CCDC78: variants seen among roughly 807,000 people sequenced by gnomAD.
The protein encoded by CCDC78 is coiled-coil domain containing 78, also known as coiled-coil domain-containing protein 78.
CCDC78 carries 78 observed loss-of-function variants against 61.9 expected under a neutral mutation model. The ratio of observed to expected loss-of-function variants is 1.26; its 90% CI spans 1.05 to 1.52. The LOEUF (loss-of-function observed/expected upper bound fraction) is 1.52, where lower values mean the gene tolerates loss of function less well. Among genes scored for constraint, CCDC78 ranks in the 40% most tolerant of loss-of-function variants. CCDC78 has a pLI of 0.00. For synonymous variants in CCDC78, 287 were observed against 251.9 expected, an observed-to-expected ratio of 1.14 and a Z score of -1.32; for missense variants, 737 against 615.5, an observed-to-expected ratio of 1.20 and a Z score of -2.09.
intron 10 of CCDC78, 52 bp downstream of exon 10, chr16:724,050 CAGTG>C: frequency 9.8e-6 from 8 of 812,888 alleles, no homozygotes; most frequent in Non-Finnish European, 1.2e-5. Context: ...CAGTGTGGGG[CAGTG>C]GGTGGGTGGG....
chr16:724,670 G>T lies in CCDC78; in HGVS notation c.765+11C>A, dbSNP rs776636446. 1 of 1,608,132 alleles carries T rather than the reference G, an allele frequency of 6.2e-7. No individual in the cohort carries two copies. The highest frequency in any genetic ancestry group is 1.1e-5 in the South Asian group (1 of 90,712). ...GCTCCCTAGGCCTCAGGGTGCTCCT[G>T]CAGGGCTCACCACTGCCTGCCAGGC... On this transcript the variant is annotated intron_variant, in intron 8 of 13. Coordinates refer to ENST00000345165, the MANE Select transcript of CCDC78 (RefSeq NM_001378030.1).
In CCDC78 at chr16:722,935, G is replaced by C. The variant is rs749463945; in HGVS notation, c.1288C>G (p.Gln430Glu). The change falls in exon 13 of 14, where the codon CAG becomes GAG. Residue 430 changes from glutamine (Q) to glutamate (E), a missense_variant. Physicochemically the swap from Gln to Glu is conservative, Grantham distance 29. Coordinates refer to ENST00000345165, the MANE Select transcript of CCDC78 (RefSeq NM_001378030.1). ...QLSELQEYVD[Q>E]HLGRYKHEIL... ...CCCTCTGCCCACCTGCCCAGGTGCT[G>C]GTCCACGTACTCCTGTAGCTCAGAA... 1 of 1,612,266 alleles carries C rather than the reference G, an allele frequency of 6.2e-7. No homozygotes were observed. Among genetic ancestry groups the C allele is most frequent in the Non-Finnish European group, 8.5e-7 (1 of 1,179,984 alleles).
At position 724,743 on chromosome 16, in the gene CCDC78, G is replaced by A; in HGVS notation, c.703C>T (p.Gln235Ter). The A allele has an allele frequency of 6.2e-7, 1 of 1,612,156 alleles. No homozygotes were observed. Among genetic ancestry groups the A allele is most frequent in the Non-Finnish European group, 8.5e-7 (1 of 1,179,754 alleles). Residue 235 changes from glutamine to a stop codon, truncating the protein, a stop_gained, in exon 8 of 14, where the codon CAG (glutamine) becomes TAG (stop). Coordinates refer to ENST00000345165, the MANE Select transcript of CCDC78 (RefSeq NM_001378030.1). LOFTEE classifies it high-confidence loss of function. ...AEAENARLQL[Q>*]LKKLKDEYVL... Reference sequence around the variant, plus strand: ...TACTCATCCTTCAGTTTCTTGAGCTGCAGCTGCAGCCGGGCATTTTCAGCC... The same window carrying A: ...TACTCATCCTTCAGTTTCTTGAGCTACAGCTGCAGCCGGGCATTTTCAGCC...
At chr16:726,580 T>G, upstream of CCDC78, 2 of 607,528 alleles carry the variant, frequency 3.3e-6, no homozygotes, top group Non-Finnish European at 5.7e-6. Context: ...CGTTTCCCCA[T>G]CTGGGGAATG....
At chr16:722,820 G>T (rs2040333415) in intron 13 of CCDC78, 31 bp from the exon 14 acceptor site, 2 of 1,611,022 alleles carry the variant, frequency 1.2e-6, no homozygotes, top group Non-Finnish European at 8.5e-7. Flanking sequence ...TAAGTGACTT[G>T]CCCAGCTGTG....
At chr16:725,694 C>G in intron 3 of CCDC78, 100 bp downstream of exon 3, 1 of 1,569,800 alleles carries the variant, frequency 6.4e-7, no homozygotes, top group Non-Finnish European at 8.6e-7. Context: ...GGCTGAGACC[C>G]ACAGATGCCA....
chr16:725,390 G>A, intron 4 of CCDC78, 23 bp downstream of exon 4: 2 of 1,611,940 alleles, frequency 1.2e-6, no homozygotes, highest in South Asian at 1.1e-5. Context: ...TCCCAGCCAG[G>A]CTCTCCATAT....
chr16:724,362 C>A lies in CCDC78; in HGVS notation c.913G>T (p.Asp305Tyr), dbSNP rs1353119618. The A allele has an allele frequency of 1.9e-6, 3 of 1,612,378 alleles. No individual in the cohort carries two copies. The highest frequency in any genetic ancestry group is 1.3e-5 in the African/African-American group (1 of 75,058). The change falls in exon 9 of 14, where the codon GAT becomes TAT. Residue 305 changes from aspartate (D) to tyrosine (Y), a missense_variant. Asp to Tyr is a radical substitution (Grantham distance 160). Transcript: ENST00000345165. ...AARSYHKRLV[D>Y]LSRRHEELLV... Reference sequence around the variant, plus strand: ...AGCTCTTCATGCCTGCGGCTCAGATCCACCAGCCTCTTGTGGTAGCTGCGG... The same window carrying A: ...AGCTCTTCATGCCTGCGGCTCAGATACACCAGCCTCTTGTGGTAGCTGCGG...
intron 8 of CCDC78, 54 bp downstream of exon 8, chr16:724,627 C>T: frequency 1.3e-6 from 2 of 1,588,334 alleles, no homozygotes; most frequent in Non-Finnish European, 1.7e-6. Flanking sequence ...CTATCCAGCA[C>T]ACCCAGGCCA....
chr16:726,221 G>A (rs976439089), intron 1 of CCDC78, 87 bp downstream of exon 1: 15 of 1,550,212 alleles, frequency 9.7e-6, no homozygotes, highest in Non-Finnish European at 1.3e-5. Flanking sequence ...TTAGGCCCAG[G>A]GTGCAGGAAC....
At position 724,126 on chromosome 16, in the gene CCDC78, A is replaced by C; in HGVS notation, c.1033T>G (p.Phe345Val). ...EPLPVPLVTD[F>V]SHREDQHGGP... ...CTCACCTGGTCCTCCCGATGGCTGA[A>C]GTCAGTGACCAGGGGCACGGGCAAT... Residue 345 changes from phenylalanine to valine, a missense_variant, in exon 10 of 14, where the codon TTC (phenylalanine) becomes GTC (valine). By Grantham distance (50) the Phe-to-Val change is conservative. Transcript: ENST00000345165. 6.2e-7 allele frequency: 1 copy of C among 1,600,306 alleles called. No homozygotes were observed. The highest frequency in any genetic ancestry group is 8.5e-7 in the Non-Finnish European group (1 of 1,173,638).
chr16:723,494 C>T lies in CCDC78; in HGVS notation c.1134-333G>A. ...AGGAAATGGTCCTTGGGGAGCCCTG[C>T]CCATTGTACAGCTGGGAACATGGAG... On this transcript the variant is annotated intron_variant, in intron 11 of 13. Transcript: ENST00000345165. The T allele has an allele frequency of 7.4e-6, 5 of 676,382 alleles. No homozygotes were observed. In the South Asian group the frequency reaches 7.5e-5, roughly 10 times the overall value. The allele number at this position is 676,382 out of a possible 1,614,324, so 41.9% of individuals were successfully genotyped here.
Position 725,808 on chromosome 16 carries a change from G to T in CCDC78, c.253C>A (p.Gln85Lys), listed in dbSNP as rs771813886. The T allele has an allele frequency of 6.2e-7, 1 of 1,608,806 alleles. No homozygotes were observed. Among genetic ancestry groups the T allele is most frequent in the South Asian group, 1.1e-5 (1 of 90,158 alleles). Residue 85 changes from glutamine (Q) to lysine (K), a missense_variant, in exon 3 of 14, where the codon CAG becomes AAG. Transcript: ENST00000345165. ...CGGCTGCTCACCTCACTCTTCAGCT[G>T]GAAGATTTCAGCCTCATGCTGCTCA... Reference protein sequence around the residue: ...LHEQHEAEIFQLKSEILRLES... With the variant: ...LHEQHEAEIFKLKSEILRLES...
Position 724,148 on chromosome 16 carries a change from C to T in CCDC78, c.1011G>A (p.Leu337=), listed in dbSNP as rs920242580. The T allele has an allele frequency of 1.0e-5, 16 of 1,605,256 alleles. No individual in the cohort carries two copies. The highest frequency in any genetic ancestry group is 1.1e-5 in the South Asian group (1 of 90,038). Residue 337 remains leucine, a synonymous_variant, in exon 10 of 14, where the codon TTG becomes TTA. Coordinates refer to ENST00000345165, the MANE Select transcript of CCDC78 (RefSeq NM_001378030.1). ...FDIASLDLEP[L]PVPLVTDFSH... ...TGAAGTCAGTGACCAGGGGCACGGG[C>T]AATGGTTCCAGGTCCAAGCTGGCTA...
chr16:726,084 A>G lies in CCDC78; in HGVS notation c.62T>C (p.Val21Ala), dbSNP rs1406211616. 9.0e-6 allele frequency: 14 copies of G among 1,548,852 alleles called. No homozygotes were observed. The South Asian group carries it at 1.7e-4, about 18-fold the overall frequency. ...PGPPSRRVEN[V>A]VLRAKDWLPG... Reference sequence around the variant, plus strand: ...CAGCCAGTCCTTGGCTCGTAGCACAACCTGGGGAGGTACCGCCACCCATTC... The same window carrying G: ...CAGCCAGTCCTTGGCTCGTAGCACAGCCTGGGGAGGTACCGCCACCCATTC... The change falls in exon 2 of 14, where the codon GTT (valine) becomes GCT (alanine). Residue 21 changes from valine (V) to alanine (A), a missense_variant and splice_region_variant. Coordinates refer to ENST00000345165, the MANE Select transcript of CCDC78 (RefSeq NM_001378030.1).
intron 7 of CCDC78, 39 bp downstream of exon 7, chr16:724,872 C>A: frequency 6.2e-7 from 1 of 1,600,138 alleles, no homozygotes; most frequent in East Asian, 2.3e-5. Context: ...CTGGGGCCCC[C>A]ACCCTCCAGG....
Position 725,521 on chromosome 16 carries a change from C to G in CCDC78, c.327G>C (p.Gln109His), listed in dbSNP as rs1246634377. The G allele has an allele frequency of 3.1e-6, 5 of 1,612,324 alleles. No individual in the cohort carries two copies. The highest frequency in any genetic ancestry group is 4.2e-6 in the Non-Finnish European group (5 of 1,179,954). Residue 109 changes from glutamine to histidine, a missense_variant, in exon 4 of 14, where the codon CAG becomes CAC. Physicochemically the swap from Gln to His is conservative, Grantham distance 24 (BLOSUM62 0). Transcript: ENST00000345165. ...ELELRGDGTS[Q>H]GCAVPVESDP... Reference sequence around the variant, plus strand: ...CAGACTCCACTGGGACTGCACAGCCCTGGCTGGTGCCATCTCCTCGCAGCT... The same window carrying G: ...CAGACTCCACTGGGACTGCACAGCCGTGGCTGGTGCCATCTCCTCGCAGCT...
intron 6 of CCDC78, 36 bp downstream of exon 6, chr16:725,042 C>T (rs758988138): frequency 1.2e-6 from 2 of 1,612,620 alleles, no homozygotes; most frequent in Non-Finnish European, 1.7e-6. Context: ...GTTCTCTCTG[C>T]TCCAGGATGG....
Position 724,823 on chromosome 16 carries a change from C to T in CCDC78, c.640-17G>A, listed in dbSNP as rs1020697264. 1 of 1,611,574 alleles carries T rather than the reference C, an allele frequency of 6.2e-7. No homozygotes were observed. The highest frequency in any genetic ancestry group is 8.5e-7 in the Non-Finnish European group (1 of 1,179,646). ...GCACAGCACCTGGGGTGGAAGCAGCCCTCCACCTGTGCCCTGAGAGTGGAC... is the reference window on the plus strand; with the variant it reads ...GCACAGCACCTGGGGTGGAAGCAGCTCTCCACCTGTGCCCTGAGAGTGGAC... On this transcript the variant is annotated splice_polypyrimidine_tract_variant and intron_variant, in intron 7 of 13. Coordinates refer to ENST00000345165, the MANE Select transcript of CCDC78 (RefSeq NM_001378030.1).
Sources: allele counts gnomAD v4.1 joint callset, GRCh38; gene constraint gnomAD v4.1.1; transcripts MANE v1.5; gene names NCBI Gene and HGNC (gene_info 2026-07-23, HGNC 2026-07-21).